The following PRKN variants were observed in gnomAD, a reference collection of about 807,000 sequenced individuals.
PRKN encodes E3 ubiquitin-protein ligase parkin.
In PRKN, 56 loss-of-function variants were observed where a neutral mutation model predicts 59.5. The observed-to-expected ratio is 0.94, with a 90% CI of 0.76 to 1.18. The LOEUF (loss-of-function observed/expected upper bound fraction) is 1.18, where lower values mean the gene tolerates loss of function less well. PRKN is among the 50% of genes most tolerant of loss of function. PRKN has a pLI of 0.00. For missense variants in PRKN, 657 were observed against 596.4 expected (o/e 1.10, Z -1.06); for synonymous variants, 250 against 222.1 (o/e 1.13, Z -1.12).
At chr6:162,702,789 TA>T (rs754129117) in intron 1 of PRKN, among the ~76,000 whole-genome samples, 8 of 152,152 alleles carry the variant, frequency 5.3e-5, no homozygotes, top group Non-Finnish European at 7.4e-5. Context: ...ACAAGAGAAT[TA>T]ATAGTGCATA....
chr6:162,338,132 T>C (rs1783932920), intron 2 of PRKN, among the ~76,000 whole-genome samples: 1 of 152,194 alleles, frequency 6.6e-6, no homozygotes, highest in Non-Finnish European at 1.5e-5. Context: ...CATTTGCTCC[T>C]GACTTCAAGG....
rs957779513 is a variant in PRKN at position 162,327,246 on chromosome 6, A to G, written c.172-64481T>C. Among the ~76,000 whole-genome samples the G allele has an allele frequency of 3.3e-5, 5 of 152,192 alleles. 1 individual carries two copies. In the East Asian group the frequency reaches 7.7e-4, roughly 23 times the overall value. ...ATGAGGTGTGAGTTATATTGTGACTACGGTGATTTTCCATCCACTCAGTAT... is the reference window on the plus strand; with the variant it reads ...ATGAGGTGTGAGTTATATTGTGACTGCGGTGATTTTCCATCCACTCAGTAT... On this transcript the variant is annotated intron_variant, in intron 2 of 11. Coordinates refer to ENST00000366898, the MANE Select transcript of PRKN (RefSeq NM_004562.3).
At chr6:162,305,021 T>C (rs1782159379) in intron 2 of PRKN, among the ~76,000 whole-genome samples, 1 of 152,102 alleles carries the variant, frequency 6.6e-6, no homozygotes, top group African/African-American at 2.4e-5. Flanking sequence ...ACCTCAGATA[T>C]GGAACAACAA....
chr6:162,402,854 G>C (rs897873703), intron 2 of PRKN, among the ~76,000 whole-genome samples: 20 of 151,906 alleles, frequency 1.3e-4, no homozygotes, highest in African/African-American at 4.8e-4. Flanking sequence ...AGGTCCTGCT[G>C]TATTGCCCGG....
chr6:162,573,251 C>T (rs937807278), intron 1 of PRKN, among the ~76,000 whole-genome samples: 1 of 152,126 alleles, frequency 6.6e-6, no homozygotes, highest in Non-Finnish European at 1.5e-5. Flanking sequence ...ACTAAGACCT[C>T]CCAGCCCTCA....
At chr6:161,784,371 G>T (rs1366552070) in intron 7 of PRKN, among the ~76,000 whole-genome samples, 4 of 152,166 alleles carry the variant, frequency 2.6e-5, no homozygotes, top group Non-Finnish European at 5.9e-5. Flanking sequence ...TATAGAATGG[G>T]AGAAATATGT....
At chr6:162,711,268 G>C (rs1778526147) in intron 1 of PRKN, among the ~76,000 whole-genome samples, 1 of 152,120 alleles carries the variant, frequency 6.6e-6, no homozygotes, top group African/African-American at 2.4e-5. Flanking sequence ...CTACAGACTG[G>C]CAGATTAAAG....
chr6:161,633,819 C>G (rs1783404879), intron 7 of PRKN, among the ~76,000 whole-genome samples: 1 of 151,720 alleles, frequency 6.6e-6, no homozygotes, highest in African/African-American at 2.4e-5. Flanking sequence ...ATTTTTCTAA[C>G]AGGGGACAAG....
chr6:162,212,173 C>A (rs571521366), intron 3 of PRKN, among the ~76,000 whole-genome samples: 2 of 152,068 alleles, frequency 1.3e-5, no homozygotes, highest in Non-Finnish European at 2.9e-5. Flanking sequence ...CTCTCTCCTA[C>A]CCTAAACACT....
intron 1 of PRKN, among the ~76,000 whole-genome samples, chr6:162,479,001 C>T (rs537355748): frequency 6.6e-6 from 1 of 152,258 alleles, no homozygotes; most frequent in Admixed American, 6.5e-5. Flanking sequence ...ACACTGCACA[C>T]TCAGGCTACG....
intron 6 of PRKN, among the ~76,000 whole-genome samples, chr6:161,877,211 C>T (rs1029083525): frequency 2.6e-5 from 4 of 152,040 alleles, no homozygotes; most frequent in African/African-American, 9.7e-5. Context: ...TGTGAAGCAG[C>T]CCAAATCCCA....
chr6:161,659,270 T>C (rs537332496), intron 7 of PRKN, among the ~76,000 whole-genome samples: 3 of 152,300 alleles, frequency 2.0e-5, no homozygotes, highest in African/African-American at 7.2e-5. Flanking sequence ...GTGTCACAAT[T>C]GTTCAAAATT....
At chr6:162,320,387 AAGCATTTTAAGATCAAACAAG>A (rs1782956146) in intron 2 of PRKN, among the ~76,000 whole-genome samples, 1 of 128,678 alleles carries the variant, frequency 7.8e-6, no homozygotes, top group Non-Finnish European at 1.7e-5. Context: ...AAAAAAAACC[AAGCATTTTAAGATCAAACAAG>A]CAAAAAAAAC....
At chr6:161,747,981 T>G (rs1788503623) in intron 7 of PRKN, among the ~76,000 whole-genome samples, 1 of 152,174 alleles carries the variant, frequency 6.6e-6, no homozygotes, top group African/African-American at 2.4e-5. Context: ...ATTTTTGGGA[T>G]TTATTGCTCT....
At position 161,549,972 on chromosome 6, in the gene PRKN, G is replaced by A. The variant is rs1267076343; in HGVS notation, c.934-969C>T. ...GAGGAAGAAAATAATCAACAGGGAA[G>A]AGGGAGAGTCCAAAGAAGGTGGAGA... On this transcript the variant is annotated intron_variant, in intron 8 of 11. Transcript: ENST00000366898. This position sits in a 1 kb window ranked among gnomAD's most constrained non-coding sequence, Gnocchi z 6.0. Among the ~76,000 whole-genome samples the A allele has an allele frequency of 1.3e-5, 2 of 152,190 alleles. No individual in the cohort carries two copies. The highest frequency in any genetic ancestry group is 1.5e-5 in the Non-Finnish European group (1 of 68,040).
At chr6:162,696,273 G>C (rs1256644714) in intron 1 of PRKN, among the ~76,000 whole-genome samples, 2 of 152,158 alleles carry the variant, frequency 1.3e-5, no homozygotes, top group Admixed American at 6.5e-5. Context: ...AGACCAGGAT[G>C]TTCAATTCGA....
intron 2 of PRKN, among the ~76,000 whole-genome samples, chr6:162,328,027 C>T (rs1337543423): frequency 2.2e-5 from 3 of 135,650 alleles, no homozygotes; most frequent in African/African-American, 8.0e-5. Flanking sequence ...CACTGCAAGG[C>T]CCTCAACGTT....
intron 5 of PRKN, among the ~76,000 whole-genome samples, chr6:162,004,279 C>G (rs1391423553): frequency 6.6e-6 from 1 of 152,198 alleles, no homozygotes; most frequent in East Asian, 1.9e-4. Context: ...CTTGCTCCTG[C>G]TCCTGCTGTG....
At chr6:162,219,613 GGA>G (rs1777847856) in intron 3 of PRKN, among the ~76,000 whole-genome samples, 1 of 142,600 alleles carries the variant, frequency 7.0e-6, no homozygotes, top group South Asian at 2.7e-4. Context: ...GCAGCATGGA[GGA>G]AAAAAAAAAA....
Sources: allele counts gnomAD v4.1 joint callset (sites outside exome capture counted in the v4.1 genomes callset), GRCh38; gene constraint gnomAD v4.1.1; non-coding constraint Gnocchi (gnomAD v3.1); transcripts MANE v1.5; gene names NCBI Gene and HGNC (gene_info 2026-07-23, HGNC 2026-07-21).